The following ZNF543 variants were observed in gnomAD, a reference collection of about 807,000 sequenced individuals.
ZNF543 encodes zinc finger protein 543.
A neutral mutation model predicts 13.4 loss-of-function variants in ZNF543; 10 were observed. That is an observed-to-expected ratio of 0.75 (90% CI 0.46 to 1.26). ZNF543 has a LOEUF of 1.26. Among genes scored for constraint, ZNF543 ranks in the 50% most tolerant of loss-of-function variants. ZNF543 has a pLI of 0.00. For missense variants in ZNF543, 768 were observed against 741.2 expected, an observed-to-expected ratio of 1.04 and a Z score of -0.42; for synonymous variants, 272 against 264.7, an observed-to-expected ratio of 1.03 and a Z score of -0.27.
In ZNF543 at chr19:57,320,794, G is replaced by C. The variant is rs1445085578; in HGVS notation, c.-60G>C. ...GGTCGCCCCGCCCAGGACAGAGAAG[G>C]GCTGGGGGTCGGCTGAGCCGCGGCA... On this transcript the variant is annotated 5_prime_UTR_variant, in exon 1 of 4. Transcript: ENST00000321545. The C allele has an allele frequency of 6.2e-7, 1 of 1,610,640 alleles. No homozygotes were observed. The highest frequency in any genetic ancestry group is 8.5e-7 in the Non-Finnish European group (1 of 1,178,530).
Position 57,323,786 on chromosome 19 carries a change from C to A in ZNF543, c.123C>A (p.Thr41=), listed in dbSNP as rs748949752. ...RTLYQEVMLE[T]CGLLMSLGCP... The stretch of plus-strand genomic sequence containing the variant: ...TGTATCAGGAGGTGATGCTGGAGAC[C>A]TGCGGACTTCTCATGTCTCTGGGTA... Residue 41 remains threonine, a synonymous_variant, in exon 2 of 4, where the codon ACC becomes ACA. Coordinates refer to ENST00000321545, the MANE Select transcript of ZNF543 (RefSeq NM_213598.4). 2.5e-6 allele frequency: 4 copies of A among 1,613,010 alleles called. No individual in the cohort carries two copies. Among genetic ancestry groups the A allele is most frequent in the Non-Finnish European group, 3.4e-6 (4 of 1,179,376 alleles).
intron 2 of ZNF543, 65 bp from the exon 3 acceptor site, chr19:57,326,568 T>C (rs2088122013): frequency 1.6e-6 from 2 of 1,265,082 alleles, no homozygotes. Context: ...CAGTCCCAGA[T>C]CAGATTGACA....
Position 57,320,794 on chromosome 19 carries a change from G to A in ZNF543, c.-60G>A. On this transcript the variant is annotated 5_prime_UTR_variant, in exon 1 of 4. Transcript: ENST00000321545. ...GGTCGCCCCGCCCAGGACAGAGAAG[G>A]GCTGGGGGTCGGCTGAGCCGCGGCA... 6.2e-7 allele frequency: 1 copy of A among 1,610,758 alleles called. No individual in the cohort carries two copies. The highest frequency in any genetic ancestry group is 8.5e-7 in the Non-Finnish European group (1 of 1,178,522).
Position 57,329,482 on chromosome 19 carries a change from C to T in ZNF543, c.*217C>T. 3.9e-6 allele frequency: 2 copies of T among 515,990 alleles called. No homozygotes were observed. Among genetic ancestry groups the T allele is most frequent in the Non-Finnish European group, 6.6e-6 (2 of 304,056 alleles). 32.0% of individuals were successfully genotyped at this position (515,990 alleles called of 1,614,324 possible). A position where few individuals can be genotyped will look rare whatever the true frequency, so the allele number is the denominator to read the frequency against. On this transcript the variant is annotated 3_prime_UTR_variant, in exon 4 of 4. Coordinates refer to ENST00000321545, the MANE Select transcript of ZNF543 (RefSeq NM_213598.4). ...GAAAACTTTCAGCCACATCTTTCTT[C>T]TTAGTTTACAGTGAAATATTATCTC...
chr19:57,320,943 A>G, intron 1 of ZNF543, 72 bp downstream of exon 1: 1 of 1,594,122 alleles, frequency 6.3e-7, no homozygotes, highest in Non-Finnish European at 8.6e-7. Flanking sequence ...GCAGAAGCCA[A>G]GACAGCCACA....
At position 57,328,344 on chromosome 19, in the gene ZNF543, C is replaced by T. The variant is rs1235190860; in HGVS notation, c.882C>T (p.His294=). Residue 294 remains histidine (H), a synonymous_variant, in exon 4 of 4, where the codon CAC becomes CAT. Coordinates refer to ENST00000321545, the MANE Select transcript of ZNF543 (RefSeq NM_213598.4). ...KCSECGKAFT[H]RSTFVLHHRS... ...GTGAATGTGGAAAGGCCTTCACCCA[C>T]CGCTCCACTTTTGTCTTGCATCACA... is the stretch of plus-strand genomic sequence containing the variant. 2 of 1,613,940 alleles carry T rather than the reference C, an allele frequency of 1.2e-6. No individual in the cohort carries two copies. Among genetic ancestry groups the T allele is most frequent in the South Asian group, 2.2e-5 (2 of 91,066 alleles).
At position 57,327,782 on chromosome 19, in the gene ZNF543, A is replaced by G. The variant is rs8100491; in HGVS notation, c.320A>G (p.Gln107Arg). The G allele has an allele frequency of 0.73, 1,184,566 of 1,613,828 alleles. 436,880 individuals are homozygous for G. The highest frequency in any genetic ancestry group is 0.76 in the African/African-American group (56,645 of 74,928). Reference sequence around the variant, plus strand: ...CCTGAGGAAGTCTTACTCCAGGAACAACTGACACAAGGAGCCTCAAAGAAC... The same window carrying G: ...CCTGAGGAAGTCTTACTCCAGGAACGACTGACACAAGGAGCCTCAAAGAAC... ...ALPEEVLLQEQLTQGASKNSQ... is the reference protein window; with the variant it reads ...ALPEEVLLQERLTQGASKNSQ... Residue 107 changes from glutamine (Q) to arginine (R), a missense_variant, in exon 4 of 4, where the codon CAA (glutamine) becomes CGA (arginine). Coordinates refer to ENST00000321545, the MANE Select transcript of ZNF543 (RefSeq NM_213598.4).
rs2088085631 is a variant in ZNF543, at chr19:57,320,832, G to T, written c.-22G>T. ...CTGAGCCGCGGCATTCCCGGGCCCC[G>T]CTAGGGCTGCAGGGTCTCAGGATGG... On this transcript the variant is annotated 5_prime_UTR_variant, in exon 1 of 4. Coordinates refer to ENST00000321545, the MANE Select transcript of ZNF543 (RefSeq NM_213598.4). 1 of 1,613,570 alleles carries T rather than the reference G, an allele frequency of 6.2e-7. No individual in the cohort carries two copies. The highest frequency in any genetic ancestry group is 8.5e-7 in the Non-Finnish European group (1 of 1,179,828).
At chr19:57,321,379 G>T (rs1025121174) in intron 1 of ZNF543, among the ~76,000 whole-genome samples, 1 of 152,176 alleles carries the variant, frequency 6.6e-6, no homozygotes, top group African/African-American at 2.4e-5. Context: ...TGGCAATTCC[G>T]GCTAAAGTGG....
At chr19:57,324,170 T>G (rs2088107105) in intron 2 of ZNF543, among the ~76,000 whole-genome samples, 1 of 151,918 alleles carries the variant, frequency 6.6e-6, no homozygotes, top group African/African-American at 2.4e-5. Flanking sequence ...GGCAACATGG[T>G]GAAATCCCGT....
chr19:57,324,172 A>G (rs2088107151), intron 2 of ZNF543, among the ~76,000 whole-genome samples: 2 of 152,122 alleles, frequency 1.3e-5, no homozygotes, highest in East Asian at 3.9e-4. Flanking sequence ...CAACATGGTG[A>G]AATCCCGTCT....
Position 57,329,232 on chromosome 19 carries a change from T to C in ZNF543, c.1770T>C (p.Phe590=). The change falls in exon 4 of 4, where the codon TTT becomes TTC. Residue 590 remains phenylalanine, a synonymous_variant. Coordinates refer to ENST00000321545, the MANE Select transcript of ZNF543 (RefSeq NM_213598.4). ...AGGAACTTTTATTAGGGAAAGAGTT[T>C]TTGAATATCACCACTGAAGAAAATC... ...NIQELLLGKE[F]LNITTEENLW is the part of the protein sequence containing the mutation. 4 of 1,610,712 alleles carry C rather than the reference T, an allele frequency of 2.5e-6. No homozygotes were observed. Among genetic ancestry groups the C allele is most frequent in the Non-Finnish European group, 2.5e-6 (3 of 1,177,894 alleles).
chr19:57,329,226 A>G lies in ZNF543; in HGVS notation c.1764A>G (p.Lys588=), dbSNP rs1274642965. 1.9e-6 allele frequency: 3 copies of G among 1,611,670 alleles called. No individual in the cohort carries two copies. The South Asian group carries it at 3.3e-5, about 18-fold the overall frequency. ...ACATCCAGGAACTTTTATTAGGGAA[A>G]GAGTTTTTGAATATCACCACTGAAG... The part of the protein sequence containing the change: ...SVNIQELLLG[K]EFLNITTEEN... The change falls in exon 4 of 4, where the codon AAA becomes AAG. Residue 588 remains lysine, a synonymous_variant. Transcript: ENST00000321545.
rs891439086 is a variant in ZNF543, at chr19:57,329,466, C to T, written c.*201C>T. 22 of 566,776 alleles carry T rather than the reference C, an allele frequency of 3.9e-5. No individual in the cohort carries two copies. The highest frequency in any genetic ancestry group is 5.8e-5 in the Non-Finnish European group (20 of 342,136). The allele number at this position is 566,776 out of a possible 1,614,324, so 35.1% of individuals were successfully genotyped here. ...GTTGCTATGCACTTAGGAAAACTTT[C>T]AGCCACATCTTTCTTCTTAGTTTAC... On this transcript the variant is annotated 3_prime_UTR_variant, in exon 4 of 4. Coordinates refer to ENST00000321545, the MANE Select transcript of ZNF543 (RefSeq NM_213598.4).
chr19:57,323,178 C>G (rs1417918829), intron 1 of ZNF543, among the ~76,000 whole-genome samples: 2 of 151,432 alleles, frequency 1.3e-5, no homozygotes, highest in Non-Finnish European at 2.9e-5. Context: ...AGGCTTCTCT[C>G]TCTTCACTGC....
At chr19:57,326,874 C>T (rs8110733) in intron 3 of ZNF543, 146 bp downstream of exon 3, 33 of 147,650 alleles carry the variant, frequency 2.2e-4, no homozygotes, top group African/African-American at 5.5e-4. Flanking sequence ...CCCGCCCCCC[C>T]CCACCCGCCT....
Position 57,328,609 on chromosome 19 carries a change from A to T in ZNF543, c.1147A>T (p.Ile383Phe), listed in dbSNP as rs544069335. Reference sequence around the variant, plus strand: ...AGCTTTTTGCGAGAGTGCAGACCTCATTCAACACTACATTATCCACACTGG... The same window carrying T: ...AGCTTTTTGCGAGAGTGCAGACCTCTTTCAACACTACATTATCCACACTGG... ...GKAFCESADL[I>F]QHYIIHTGEK... is the part of the protein sequence containing the mutation. Residue 383 changes from isoleucine (I) to phenylalanine (F), a missense_variant, in exon 4 of 4, where the codon ATT becomes TTT. Transcript: ENST00000321545. 1.2e-6 allele frequency: 2 copies of T among 1,610,782 alleles called. No homozygotes were observed. The highest frequency in any genetic ancestry group is 2.2e-5 in the South Asian group (2 of 90,888).
intron 1 of ZNF543, among the ~76,000 whole-genome samples, chr19:57,323,290 C>T (rs554724010): frequency 7.3e-5 from 11 of 151,648 alleles, no homozygotes; most frequent in East Asian, 3.9e-4. Context: ...CTCCCGGGTT[C>T]ACGCCATTCT....
At chr19:57,323,305 C>T (rs574661352) in intron 1 of ZNF543, among the ~76,000 whole-genome samples, 87 of 152,066 alleles carry the variant, frequency 5.7e-4, no homozygotes, top group African/African-American at 2.0e-3. Flanking sequence ...CATTCTCCTG[C>T]CTCAGCCTCC....
Sources: gnomAD v4.1 joint callset for allele counts (sites outside exome capture counted in the v4.1 genomes callset) on GRCh38, gnomAD v4.1.1 for gene constraint, MANE v1.5 for transcripts, NCBI Gene and HGNC (gene_info 2026-07-23, HGNC 2026-07-21) for gene names.